NRXN1: variants seen among roughly 807,000 people sequenced by gnomAD.
The protein encoded by NRXN1 is neurexin 1.
Under a neutral mutation model 150.9 loss-of-function variants are expected in NRXN1, and 39 were observed. The observed-to-expected ratio is 0.26, with a 90% CI of 0.20 to 0.34. The LOEUF (loss-of-function observed/expected upper bound fraction) is 0.34, where lower values mean the gene tolerates loss of function less well. NRXN1 is among the 10% of genes least tolerant of loss of function. NRXN1 has a pLI of 1.00. For missense variants in NRXN1, 1,815 were observed against 1,949.9 expected, an observed-to-expected ratio of 0.93 and a Z score of 1.30; for synonymous variants, 924 against 757.0, an observed-to-expected ratio of 1.22 and a Z score of -3.62.
chr2:50,117,328 A>C (rs942697176), intron 18 of NRXN1, among the ~76,000 whole-genome samples: 2 of 152,148 alleles, frequency 1.3e-5, no homozygotes, highest in Non-Finnish European at 2.9e-5. Context: ...CAAAATTATT[A>C]CATGTTCCCA....
At chr2:50,789,737 G>C (rs1239189267) in intron 5 of NRXN1, among the ~76,000 whole-genome samples, 3 of 152,026 alleles carry the variant, frequency 2.0e-5, no homozygotes, top group African/African-American at 7.2e-5. Context: ...AAAGGTGGGG[G>C]ATATGCAGAG....
chr2:51,024,088 CTGGA>C (rs1670048026), intron 2 of NRXN1, among the ~76,000 whole-genome samples: 1 of 152,146 alleles, frequency 6.6e-6, no homozygotes, highest in South Asian at 2.1e-4. Flanking sequence ...TGTTTTTAAA[CTGGA>C]TAGCTATGAA....
At chr2:50,620,285 G>C in intron 7 of NRXN1, 102 bp from the exon 8 acceptor site, 1 of 1,306,158 alleles carries the variant, frequency 7.7e-7, no homozygotes, top group Non-Finnish European at 1.0e-6. Flanking sequence ...TTTTTGTTTT[G>C]TTTTGTTTTG....
chr2:50,160,834 A>T (rs1353048259), intron 18 of NRXN1, among the ~76,000 whole-genome samples: 1 of 152,172 alleles, frequency 6.6e-6, no homozygotes, highest in African/African-American at 2.4e-5. Context: ...TTTACTGTTT[A>T]ATACTAAACA....
chr2:50,941,339 G>A (rs1168811904), intron 2 of NRXN1, among the ~76,000 whole-genome samples: 1 of 152,146 alleles, frequency 6.6e-6, no homozygotes, highest in Non-Finnish European at 1.5e-5. Flanking sequence ...AAATGTAGAA[G>A]CAACTTTGGA....
intron 5 of NRXN1, among the ~76,000 whole-genome samples, chr2:50,742,222 G>C (rs2105277980): frequency 6.6e-6 from 1 of 151,902 alleles, no homozygotes; most frequent in South Asian, 2.1e-4. Flanking sequence ...ATTTAACTTT[G>C]AGAATTGCAA....
At chr2:50,255,474 G>A (rs2067608314) in intron 17 of NRXN1, among the ~76,000 whole-genome samples, 1 of 152,074 alleles carries the variant, frequency 6.6e-6, no homozygotes, top group African/African-American at 2.4e-5. Context: ...TTTGTATTTG[G>A]TTCAAAAAAT....
chr2:50,183,859 A>G (rs2060898191), intron 18 of NRXN1, among the ~76,000 whole-genome samples: 1 of 151,820 alleles, frequency 6.6e-6, no homozygotes, highest in Non-Finnish European at 1.5e-5. Context: ...GACTTTCTAA[A>G]CCATGGTTTT....
At chr2:50,463,415 A>G (rs1011028251) in intron 17 of NRXN1, among the ~76,000 whole-genome samples, 11 of 151,836 alleles carry the variant, frequency 7.2e-5, no homozygotes, top group Non-Finnish European at 1.3e-4. Context: ...CATTTTCAGA[A>G]AACCCACTAA....
chr2:50,666,222 C>G (rs1186315826), intron 5 of NRXN1, among the ~76,000 whole-genome samples: 2 of 151,926 alleles, frequency 1.3e-5, no homozygotes, highest in African/African-American at 2.4e-5. Flanking sequence ...ATGATATGCA[C>G]ATCAGTTGTT....
chr2:50,576,464 C>T (rs1004548689), intron 8 of NRXN1, among the ~76,000 whole-genome samples: 24 of 152,072 alleles, frequency 1.6e-4, no homozygotes, highest in Non-Finnish European at 3.1e-4. Context: ...GATTCTCTTC[C>T]TATTAAATCA....
intron 18 of NRXN1, among the ~76,000 whole-genome samples, chr2:50,119,381 A>G (rs1046353723): frequency 4.5e-4 from 69 of 152,248 alleles, no homozygotes; most frequent in African/African-American, 1.6e-3. Context: ...TGGAAAATGT[A>G]AGGAGATACG....
intron 17 of NRXN1, among the ~76,000 whole-genome samples, chr2:50,452,626 T>A (rs542356346): frequency 7.9e-5 from 12 of 152,290 alleles, no homozygotes; most frequent in African/African-American, 2.2e-4. Flanking sequence ...TAAACTGGAA[T>A]CAATTTGTTT....
At chr2:50,770,254 G>T (rs1253827296) in intron 5 of NRXN1, among the ~76,000 whole-genome samples, 8 of 151,970 alleles carry the variant, frequency 5.3e-5, no homozygotes, top group Admixed American at 5.3e-4. Flanking sequence ...TTTAGTGAAA[G>T]AAATTTTTAT....
intron 19 of NRXN1, among the ~76,000 whole-genome samples, chr2:50,076,541 A>C (rs2152677751): frequency 6.6e-6 from 1 of 152,314 alleles, no homozygotes; most frequent in South Asian, 2.1e-4. Flanking sequence ...AGAACTTGGC[A>C]AAAAATTTCA....
chr2:50,178,299 A>G (rs541747321), intron 18 of NRXN1, among the ~76,000 whole-genome samples: 1 of 152,102 alleles, frequency 6.6e-6, no homozygotes, highest in Non-Finnish European at 1.5e-5. Flanking sequence ...AGTCTGCTCA[A>G]TCTGGTCTAT....
intron 17 of NRXN1, among the ~76,000 whole-genome samples, chr2:50,444,141 A>G (rs1375791867): frequency 6.6e-6 from 1 of 152,200 alleles, no homozygotes; most frequent in Non-Finnish European, 1.5e-5. Context: ...CAAGGCATGC[A>G]ATGATTCTTT....
chr2:50,526,859 T>A (rs2092965380), intron 12 of NRXN1: 1 of 152,086 alleles, frequency 6.6e-6, no homozygotes, highest in African/African-American at 2.4e-5. Flanking sequence ...AGCAAAAACC[T>A]TTGTCCTCAA....
At chr2:50,995,744 A>G (rs1466838283) in intron 2 of NRXN1, among the ~76,000 whole-genome samples, 1 of 152,022 alleles carries the variant, frequency 6.6e-6, no homozygotes, top group Non-Finnish European at 1.5e-5. Flanking sequence ...TCATGGATAA[A>G]TGCAACTGGA....
Sources: allele counts gnomAD v4.1 joint callset (sites outside exome capture counted in the v4.1 genomes callset), GRCh38; gene constraint gnomAD v4.1.1; transcripts MANE v1.5; gene names NCBI Gene and HGNC (gene_info 2026-07-23, HGNC 2026-07-21).